The following ASIC2 variants were observed in gnomAD, a reference collection of about 807,000 sequenced individuals.
ASIC2 encodes acid sensing ion channel subunit 2.
ASIC2 carries 25 observed loss-of-function variants against 57.3 expected under a neutral mutation model. The ratio of observed to expected loss-of-function variants is 0.44; its 90% CI spans 0.32 to 0.61. The LOEUF (loss-of-function observed/expected upper bound fraction) is 0.61, where lower values mean the gene tolerates loss of function less well. ASIC2 is among the 20% of genes least tolerant of loss of function. The probability of loss-of-function intolerance (pLI) is 0.06; values close to 1 mark genes in which losing one functional copy is unlikely to be tolerated. For missense variants in ASIC2, 641 were observed against 738.1 expected, an observed-to-expected ratio of 0.87 and a Z score of 1.52; for synonymous variants, 319 against 307.5, an observed-to-expected ratio of 1.04 and a Z score of -0.39.
intron 1 of ASIC2, among the ~76,000 whole-genome samples, chr17:33,720,041 G>C (rs2142082873): frequency 6.6e-6 from 1 of 152,206 alleles, no homozygotes; most frequent in Non-Finnish European, 1.5e-5. Flanking sequence ...CTTCATGCCT[G>C]GTTAGTTTTT....
At chr17:34,087,061 T>C (rs1402373285) in intron 1 of ASIC2, among the ~76,000 whole-genome samples, 2 of 152,170 alleles carry the variant, frequency 1.3e-5, no homozygotes, top group African/African-American at 4.8e-5. Flanking sequence ...TATCGTTCTG[T>C]GTGAATTTGA....
chr17:34,076,287 G>A (rs567934573), intron 1 of ASIC2, among the ~76,000 whole-genome samples: 2 of 152,140 alleles, frequency 1.3e-5, no homozygotes, highest in African/African-American at 4.8e-5. Flanking sequence ...TTACAGCTGT[G>A]AGCCACCACG....
chr17:34,155,174 A>G (rs1223184486), intron 1 of ASIC2, among the ~76,000 whole-genome samples: 1 of 151,744 alleles, frequency 6.6e-6, no homozygotes, highest in Admixed American at 6.6e-5. Context: ...CAGAGAGAAA[A>G]CCGAGCCTTT....
chr17:33,200,463 A>C (rs1052778794), intron 1 of ASIC2, among the ~76,000 whole-genome samples: 1 of 152,198 alleles, frequency 6.6e-6, no homozygotes, highest in African/African-American at 2.4e-5. Flanking sequence ...AAGCCTGTCC[A>C]AAACTGAGAT....
At chr17:33,520,529 G>A (rs1308815327) in intron 1 of ASIC2, among the ~76,000 whole-genome samples, 1 of 152,210 alleles carries the variant, frequency 6.6e-6, no homozygotes, top group Non-Finnish European at 1.5e-5. Context: ...TAATCACCCA[G>A]TCCAGTACAG....
chr17:33,739,785 A>T (rs1910038270), intron 1 of ASIC2, among the ~76,000 whole-genome samples: 1 of 151,966 alleles, frequency 6.6e-6, no homozygotes, highest in Non-Finnish European at 1.5e-5. Context: ...GAAAAGAAAC[A>T]AAAGAAAGAA....
chr17:33,687,378 C>A (rs1161895879), intron 1 of ASIC2, among the ~76,000 whole-genome samples: 3 of 152,154 alleles, frequency 2.0e-5, no homozygotes, highest in Non-Finnish European at 2.9e-5. Context: ...AGAGAAGTAA[C>A]AGAGGTGGCA....
chr17:33,383,858 C>T (rs1283533442), intron 1 of ASIC2, among the ~76,000 whole-genome samples: 1 of 152,142 alleles, frequency 6.6e-6, no homozygotes, highest in African/African-American at 2.4e-5. Flanking sequence ...GGGATTAATA[C>T]TGGGTCCAGA....
rs78450452 is a variant in ASIC2, at chr17:33,572,606, C to T, written c.556-460539G>A. Among the ~76,000 whole-genome samples the T allele has an allele frequency of 1.1e-4, 16 of 152,228 alleles. No homozygotes were observed. In the East Asian group the frequency reaches 1.7e-3, roughly 17 times the overall value. ...TCTGAAACTGAAGGTGGTGAGCTCC[C>T]GCCTCCAGACTGAAGTGATGATAGA... On this transcript the variant is annotated intron_variant, in intron 1 of 9. Transcript: ENST00000359872.
chr17:33,303,916 T>A (rs114960547), intron 1 of ASIC2, among the ~76,000 whole-genome samples: 2,814 of 152,212 alleles, frequency 0.018, 88 homozygotes, highest in African/African-American at 0.064. Flanking sequence ...CATTGGTAAG[T>A]AATAAGAGCT....
At chr17:34,143,849 C>T (rs1484231171) in intron 1 of ASIC2, among the ~76,000 whole-genome samples, 1 of 152,188 alleles carries the variant, frequency 6.6e-6, no homozygotes, top group Non-Finnish European at 1.5e-5. Flanking sequence ...GATGTGGCTG[C>T]TCAGTGTTGA....
In ASIC2 at chr17:33,521,116, C is replaced by T. The variant is rs941204080; in HGVS notation, c.556-409049G>A. 4.6e-5 allele frequency among the ~76,000 whole-genome samples: 7 copies of T among 152,018 alleles called. No homozygotes were observed. The South Asian group carries it at 1.0e-3, about 23-fold the overall frequency. On this transcript the variant is annotated intron_variant, in intron 1 of 9. Transcript: ENST00000359872. ...CAATAACCTCAAGGCAGTCTCGTGGCGAACTGGCAGATTAGGTCTCGGGAC... is the reference window on the plus strand; with the variant it reads ...CAATAACCTCAAGGCAGTCTCGTGGTGAACTGGCAGATTAGGTCTCGGGAC...
chr17:33,329,168 A>G (rs1907203231), intron 1 of ASIC2, among the ~76,000 whole-genome samples: 1 of 152,186 alleles, frequency 6.6e-6, no homozygotes, highest in East Asian at 1.9e-4. Flanking sequence ...TCCCAGCACC[A>G]TTACTTATTG....
chr17:33,591,569 C>G (rs1213279815), intron 1 of ASIC2, among the ~76,000 whole-genome samples: 9 of 152,224 alleles, frequency 5.9e-5, no homozygotes, highest in Non-Finnish European at 1.3e-4. Flanking sequence ...GCCATCCCCC[C>G]AGCTGCTAGG....
chr17:34,095,716 T>C (rs1353271237), intron 1 of ASIC2, among the ~76,000 whole-genome samples: 1 of 143,664 alleles, frequency 7.0e-6, no homozygotes, highest in Non-Finnish European at 1.5e-5. Context: ...TATAATTTTA[T>C]ATATAGAGAG....
At chr17:33,616,229 T>C (rs1281446259) in intron 1 of ASIC2, among the ~76,000 whole-genome samples, 2 of 137,034 alleles carry the variant, frequency 1.5e-5, no homozygotes, top group Admixed American at 1.6e-4. Flanking sequence ...GTCTTCTCCT[T>C]CTTCTTCCAA....
At chr17:33,929,336 A>G (rs994148075) in intron 1 of ASIC2, among the ~76,000 whole-genome samples, 1 of 152,148 alleles carries the variant, frequency 6.6e-6, no homozygotes, top group Non-Finnish European at 1.5e-5. Context: ...CCAACCTCCT[A>G]CTTGACTGTG....
intron 1 of ASIC2, among the ~76,000 whole-genome samples, chr17:33,255,222 T>C (rs1453079319): frequency 6.6e-6 from 1 of 151,810 alleles, no homozygotes; most frequent in Non-Finnish European, 1.5e-5. Flanking sequence ...GTATTTTTAG[T>C]ACTAGCAGGG....
chr17:34,092,471 T>C (rs555214581), intron 1 of ASIC2, among the ~76,000 whole-genome samples: 1 of 152,300 alleles, frequency 6.6e-6, no homozygotes, highest in East Asian at 1.9e-4. Context: ...TGTCATTGTG[T>C]TGTGCCAAGG....
Sources: gnomAD v4.1 joint callset for allele counts (sites outside exome capture counted in the v4.1 genomes callset) on GRCh38, gnomAD v4.1.1 for gene constraint, MANE v1.5 for transcripts, NCBI Gene and HGNC (gene_info 2026-07-23, HGNC 2026-07-21) for gene names.